The following HS3ST5 variants were observed in gnomAD, a reference collection of about 807,000 sequenced individuals.
HS3ST5 encodes heparan sulfate-glucosamine 3-sulfotransferase 5, also known as heparan sulfate glucosamine 3-O-sulfotransferase 5.
A neutral mutation model predicts 25.4 loss-of-function variants in HS3ST5; 10 were observed. The ratio of observed to expected loss-of-function variants is 0.39; its 90% CI spans 0.24 to 0.67. The LOEUF (loss-of-function observed/expected upper bound fraction) is 0.67. Ranked by LOEUF, HS3ST5 falls within the 30% of genes least tolerant of loss-of-function variation. HS3ST5 has a pLI of 0.44. For synonymous variants in HS3ST5, 170 were observed against 162.4 expected, an observed-to-expected ratio of 1.05 and a Z score of -0.36; for missense variants, 324 against 420.7, an observed-to-expected ratio of 0.77 and a Z score of 2.01.
chr6:114,249,102 A>G (rs966304147), intron 1 of HS3ST5, among the ~76,000 whole-genome samples: 1 of 152,216 alleles, frequency 6.6e-6, no homozygotes, highest in Non-Finnish European at 1.5e-5. Flanking sequence ...AATTTAACCA[A>G]TGAAATACTT....
At chr6:114,271,411 T>G (rs1562259634) in intron 1 of HS3ST5, among the ~76,000 whole-genome samples, 1 of 152,046 alleles carries the variant, frequency 6.6e-6, no homozygotes, top group Non-Finnish European at 1.5e-5. Context: ...ACAAATTCAT[T>G]TAGAGTAGAA....
chr6:114,139,873 C>T lies in HS3ST5; in HGVS notation c.-33+28478G>A, dbSNP rs539312289. On this transcript the variant is annotated intron_variant, in intron 3 of 4. Transcript: ENST00000312719. ...AAAGTGCAAATATTTCCAAATACCT[C>T]ATTTATTCACTCATTTAAGATGTTA... 3.3e-5 allele frequency among the ~76,000 whole-genome samples: 5 copies of T among 152,288 alleles called. No homozygotes were observed. In the East Asian group the frequency reaches 5.8e-4, roughly 18 times the overall value.
At chr6:114,282,074 A>C (rs547311473) in intron 1 of HS3ST5, 5 of 152,140 alleles carry the variant, frequency 3.3e-5, no homozygotes, top group African/African-American at 1.2e-4. Flanking sequence ...TAAAACTCAG[A>C]AACTGTATGT....
chr6:114,132,260 A>T (rs1358656442), intron 3 of HS3ST5: 1 of 152,224 alleles, frequency 6.6e-6, no homozygotes, highest in Non-Finnish European at 1.5e-5. Flanking sequence ...GGAAACCTTC[A>T]TTTTATTGCT....
chr6:114,339,364 A>T (rs956078527), intron 1 of HS3ST5, among the ~76,000 whole-genome samples: 7 of 152,154 alleles, frequency 4.6e-5, no homozygotes, highest in African/African-American at 1.7e-4. Flanking sequence ...ACATGTCAAG[A>T]GCATCAAATA....
chr6:114,161,903 A>G (rs773543897), intron 3 of HS3ST5, among the ~76,000 whole-genome samples: 6 of 152,020 alleles, frequency 3.9e-5, no homozygotes, highest in Non-Finnish European at 2.9e-5. Context: ...AAATCATATT[A>G]ACATATTTGT....
chr6:114,155,375 A>G (rs7742975), intron 3 of HS3ST5, among the ~76,000 whole-genome samples: 12,137 of 152,250 alleles, frequency 0.08, 560 homozygotes, highest in African/African-American at 0.12. Context: ...TTAGAAAACA[A>G]AATATTAGTC....
chr6:114,246,611 C>T (rs897318713), intron 1 of HS3ST5, among the ~76,000 whole-genome samples: 6 of 152,166 alleles, frequency 3.9e-5, no homozygotes, highest in African/African-American at 1.2e-4. Context: ...AACGCTTATA[C>T]AGCAGTGTTC....
intron 2 of HS3ST5, among the ~76,000 whole-genome samples, chr6:114,169,639 A>C (rs1250722077): frequency 1.3e-5 from 2 of 152,222 alleles, no homozygotes; most frequent in African/African-American, 2.4e-5. Flanking sequence ...GAAACATAAC[A>C]AAATAAAGCC....
chr6:114,260,003 T>C (rs563978342), intron 1 of HS3ST5, among the ~76,000 whole-genome samples: 1 of 152,322 alleles, frequency 6.6e-6, no homozygotes, highest in Non-Finnish European at 1.5e-5. Context: ...TATTCCAATG[T>C]GTATTATGGT....
chr6:114,336,165 T>C (rs1582825001), intron 1 of HS3ST5, among the ~76,000 whole-genome samples: 1 of 152,312 alleles, frequency 6.6e-6, no homozygotes, highest in East Asian at 1.9e-4. Flanking sequence ...TGATGGTATG[T>C]TGATGTTAAA....
intron 3 of HS3ST5, among the ~76,000 whole-genome samples, chr6:114,105,202 C>T (rs566366467): frequency 6.6e-6 from 1 of 152,180 alleles, no homozygotes; most frequent in Non-Finnish European, 1.5e-5. Context: ...CTATGGACAG[C>T]TTCAGGAGCG....
chr6:114,102,866 C>G (rs948152758), intron 3 of HS3ST5, among the ~76,000 whole-genome samples: 1 of 152,104 alleles, frequency 6.6e-6, no homozygotes, highest in Non-Finnish European at 1.5e-5. Context: ...ACAGAAGTTT[C>G]CAGACCAAGA....
chr6:114,057,535 C>T lies in HS3ST5; in HGVS notation c.763G>A (p.Gly255Arg). 6.2e-7 allele frequency: 1 copy of T among 1,614,194 alleles called. No individual in the cohort carries two copies. Among genetic ancestry groups the T allele is most frequent in the Non-Finnish European group, 8.5e-7 (1 of 1,180,030 alleles). ...AGAGGTTCCGTGATGAGGCGATCTCCATCGACGACATGAAATTGCTCAATT... is the reference window on the plus strand; with the variant it reads ...AGAGGTTCCGTGATGAGGCGATCTCTATCGACGACATGAAATTGCTCAATT... ...FPIEQFHVVD[G>R]DRLITEPLPE... The change falls in exon 5 of 5, where the codon GGA (glycine) becomes AGA (arginine). Residue 255 changes from glycine (G) to arginine (R), a missense_variant. By Grantham distance (125) the Gly-to-Arg change is moderately radical (BLOSUM62 -2). This residue lies in a region of HS3ST5 where 203 missense variants were observed against 303.4 expected (regional missense o/e 0.67). Transcript: ENST00000312719.
At chr6:114,088,115 T>C (rs1297204734) in intron 3 of HS3ST5, among the ~76,000 whole-genome samples, 1 of 152,156 alleles carries the variant, frequency 6.6e-6, no homozygotes, top group Non-Finnish European at 1.5e-5. Flanking sequence ...TAATTTCCCG[T>C]TTCTTTTTAC....
At chr6:114,087,532 G>C (rs1450990678) in intron 3 of HS3ST5, among the ~76,000 whole-genome samples, 1 of 152,184 alleles carries the variant, frequency 6.6e-6, no homozygotes, top group Non-Finnish European at 1.5e-5. Context: ...GCCTGGTGCA[G>C]TTCATTATTA....
At chr6:114,162,192 G>A (rs1414526954) in intron 3 of HS3ST5, among the ~76,000 whole-genome samples, 4 of 152,072 alleles carry the variant, frequency 2.6e-5, no homozygotes, top group African/African-American at 7.2e-5. Flanking sequence ...GAAGTGCTAC[G>A]TCGAGTAAAA....
intron 1 of HS3ST5, among the ~76,000 whole-genome samples, chr6:114,309,112 A>G (rs1438936114): frequency 6.6e-6 from 1 of 152,238 alleles, no homozygotes; most frequent in Non-Finnish European, 1.5e-5. Flanking sequence ...AGATAGGGCC[A>G]GGAAAGCCCT....
At chr6:114,060,933 T>TA (rs1213739480) in intron 4 of HS3ST5, among the ~76,000 whole-genome samples, 1 of 151,912 alleles carries the variant, frequency 6.6e-6, no homozygotes, top group Admixed American at 6.5e-5. Flanking sequence ...CATACAGGTT[T>TA]AGGATTGGAA....
Sources: allele counts gnomAD v4.1 joint callset (sites outside exome capture counted in the v4.1 genomes callset), GRCh38; gene constraint gnomAD v4.1.1; regional missense constraint gnomAD v4.1.1; transcripts MANE v1.5; gene names NCBI Gene and HGNC (gene_info 2026-07-23, HGNC 2026-07-21).